Variants in CLEC16A observed in about 807,000 individuals in gnomAD.
CLEC16A encodes C-type lectin domain containing 16A.
A neutral mutation model predicts 109.5 loss-of-function variants in CLEC16A; 51 were observed. The ratio of observed to expected loss-of-function variants is 0.47; its 90% confidence interval spans 0.37 to 0.59. CLEC16A has a LOEUF of 0.59. CLEC16A is among the 20% of genes least tolerant of loss of function. The pLI, the probability that CLEC16A is intolerant of heterozygous loss-of-function variation, is 0.00. For synonymous variants in CLEC16A, 673 were observed against 564.2 expected (o/e 1.19, Z -2.73); for missense variants, 1,339 against 1,394.0 (o/e 0.96, Z 0.63).
intron 19 of CLEC16A, among the ~76,000 whole-genome samples, chr16:11,091,439 C>A (rs760888768): frequency 6.6e-6 from 1 of 152,156 alleles, no homozygotes; most frequent in Non-Finnish European, 1.5e-5. Context: ...TGATTCACCT[C>A]GTAGGGCGGG....
At chr16:11,133,101 A>G (rs865852869) in intron 22 of CLEC16A, among the ~76,000 whole-genome samples, 1 of 152,082 alleles carries the variant, frequency 6.6e-6, no homozygotes. Flanking sequence ...TGTGGTAGAT[A>G]TTTAACTCCC....
At chr16:11,118,339 C>A (rs897189794) in intron 19 of CLEC16A, among the ~76,000 whole-genome samples, 1 of 150,062 alleles carries the variant, frequency 6.7e-6, no homozygotes, top group Non-Finnish European at 1.5e-5. Context: ...CGCCTTTTCT[C>A]ATTTAACGCA....
At chr16:11,099,148 AGGGAGCTCCAAGGCCCT>A (rs1169831231) in intron 19 of CLEC16A, among the ~76,000 whole-genome samples, 1 of 152,176 alleles carries the variant, frequency 6.6e-6, no homozygotes, top group Non-Finnish European at 1.5e-5. Flanking sequence ...CTTCCAGGTC[AGGGAGCTCCAAGGCCCT>A]GGGCCAGGCT....
At chr16:11,092,496 A>G (rs1056573292) in intron 19 of CLEC16A, among the ~76,000 whole-genome samples, 4 of 152,160 alleles carry the variant, frequency 2.6e-5, no homozygotes, top group Middle Eastern at 3.4e-3. Context: ...GTGAGCCAAG[A>G]TCATACCACT....
chr16:10,977,082 A>AGGG, intron 7 of CLEC16A, 143 bp from the exon 8 acceptor site: 2 of 731,574 alleles, frequency 2.7e-6, no homozygotes, highest in Non-Finnish European at 4.4e-6. Context: ...ATATCTCCCC[A>AGGG]GTAGGGGCCA....
intron 1 of CLEC16A, among the ~76,000 whole-genome samples, chr16:10,953,854 G>A (rs2145832901): frequency 6.6e-6 from 1 of 152,210 alleles, no homozygotes; most frequent in South Asian, 2.1e-4. Context: ...GCGGGCGCCT[G>A]TAGTCCCAGC....
chr16:10,971,584 T>C, intron 5 of CLEC16A: 1 of 930,832 alleles, frequency 1.1e-6, no homozygotes, highest in South Asian at 5.0e-5. Context: ...AAATATACTT[T>C]AATACAGCTA....
chr16:11,069,229 G>A (rs561097523), intron 19 of CLEC16A, among the ~76,000 whole-genome samples: 1 of 152,182 alleles, frequency 6.6e-6, no homozygotes, highest in South Asian at 2.1e-4. Context: ...CCAGGCTAGG[G>A]TGATTCTCCC....
At chr16:10,985,098 GA>G (rs2043549755) in intron 10 of CLEC16A, among the ~76,000 whole-genome samples, 2 of 151,520 alleles carry the variant, frequency 1.3e-5, no homozygotes, top group Admixed American at 1.3e-4. Flanking sequence ...AGCTACTCGG[GA>G]GGCTGAGGCA....
At chr16:11,105,655 G>A (rs1236181341) in intron 19 of CLEC16A, among the ~76,000 whole-genome samples, 2 of 152,226 alleles carry the variant, frequency 1.3e-5, no homozygotes, top group Non-Finnish European at 2.9e-5. Flanking sequence ...TGAGCCCAAA[G>A]CTAGCACTTC....
At chr16:11,177,328 C>T (rs1175507776) in intron 23 of CLEC16A, among the ~76,000 whole-genome samples, 21 of 152,158 alleles carry the variant, frequency 1.4e-4, no homozygotes, top group Admixed American at 3.3e-4. Flanking sequence ...GGGCCGGGCA[C>T]GGTGGCTCAT....
At chr16:11,152,330 G>A (rs769082049) in intron 22 of CLEC16A, among the ~76,000 whole-genome samples, 1 of 152,232 alleles carries the variant, frequency 6.6e-6, no homozygotes, top group Non-Finnish European at 1.5e-5. Context: ...CTCTGCAGGC[G>A]GGCGGCTGGT....
chr16:11,120,683 G>T lies in CLEC16A; in HGVS notation c.2185G>T (p.Val729Leu), dbSNP rs1399434894. The T allele has an allele frequency of 6.2e-7, 1 of 1,612,558 alleles. No homozygotes were observed. Among genetic ancestry groups the T allele is most frequent in the East Asian group, 2.2e-5 (1 of 44,858 alleles). ...DGGMVQRFLAVDIYQMSLVEP... is the reference protein window; with the variant it reads ...DGGMVQRFLALDIYQMSLVEP... ...CGGCATGGTCCAGCGATTCCTGGCT[G>T]TGGATATTTACCAGATGAGTTTGGT... is the stretch of plus-strand genomic sequence containing the variant. The change falls in exon 20 of 24, where the codon GTG becomes TTG. Residue 729 changes from valine (V) to leucine (L), a missense_variant. By Grantham distance (32) the Val-to-Leu change is conservative (BLOSUM62 1). Transcript: ENST00000409790.
chr16:11,046,027 A>C (rs1316153166), intron 16 of CLEC16A, among the ~76,000 whole-genome samples: 1 of 152,064 alleles, frequency 6.6e-6, no homozygotes, highest in Non-Finnish European at 1.5e-5. Context: ...AGAACATCCC[A>C]AACCGCACTT....
At chr16:11,036,845 G>A (rs896132628) in intron 13 of CLEC16A, among the ~76,000 whole-genome samples, 7 of 152,074 alleles carry the variant, frequency 4.6e-5, no homozygotes, top group East Asian at 1.9e-4. Flanking sequence ...CACCGTGCCC[G>A]GCCTAACTTT....
At chr16:10,992,107 G>T (rs1347272281) in intron 10 of CLEC16A, among the ~76,000 whole-genome samples, 1 of 152,182 alleles carries the variant, frequency 6.6e-6, no homozygotes, top group Non-Finnish European at 1.5e-5. Flanking sequence ...GTAGCCTCCA[G>T]ATACGCACGG....
intron 12 of CLEC16A, among the ~76,000 whole-genome samples, chr16:11,022,057 T>C (rs2046132449): frequency 6.6e-6 from 1 of 152,164 alleles, no homozygotes; most frequent in Non-Finnish European, 1.5e-5. Flanking sequence ...TTAGAGTTGA[T>C]TGAGATTGTT....
chr16:10,953,937 A>G (rs775364786), intron 1 of CLEC16A, among the ~76,000 whole-genome samples: 13 of 151,084 alleles, frequency 8.6e-5, no homozygotes, highest in Non-Finnish European at 1.8e-4. Context: ...AGATCGCACC[A>G]CTGCACTCCA....
At chr16:11,072,964 G>C (rs530176614) in intron 19 of CLEC16A, among the ~76,000 whole-genome samples, 12 of 152,288 alleles carry the variant, frequency 7.9e-5, no homozygotes, top group African/African-American at 2.6e-4. Flanking sequence ...AGTGGGTGCC[G>C]TCTGATTGAA....
Sources: gnomAD v4.1 joint callset for allele counts (sites outside exome capture counted in the v4.1 genomes callset) on GRCh38, gnomAD v4.1.1 for gene constraint, MANE v1.5 for transcripts, NCBI Gene and HGNC (gene_info 2026-07-23, HGNC 2026-07-21) for gene names.